The following NSD1 variants were observed in gnomAD, a reference collection of about 807,000 sequenced individuals.
The protein encoded by NSD1 is nuclear receptor binding SET domain protein 1, also known as histone-lysine N-methyltransferase, H3 lysine-36 specific.
NSD1 carries 26 observed loss-of-function variants against 242.7 expected under a neutral mutation model. The ratio of observed to expected loss-of-function variants is 0.11; its 90% CI spans 0.08 to 0.15. The LOEUF is 0.15. Among genes scored for constraint, NSD1 ranks in the 10% least tolerant of loss-of-function variants. The pLI is 1.00. For missense variants in NSD1, 2,495 were observed against 3,272.8 expected, an observed-to-expected ratio of 0.76 and a Z score of 5.80; for synonymous variants, 1,106 against 1,178.1, an observed-to-expected ratio of 0.94 and a Z score of 1.25.
chr5:177,135,506 T>TC lies in NSD1; in HGVS notation c.407dup (p.Glu137Ter), dbSNP rs1444626160. 1 of 1,614,066 alleles carries TC rather than the reference T, an allele frequency of 6.2e-7. No individual in the cohort carries two copies. Among genetic ancestry groups the TC allele is most frequent in the African/African-American group, 1.3e-5 (1 of 74,918 alleles). ...GAAACAGGAACCCTCTTGTAATAACTCCCCTGAACTCCAGGTAAAAGTAAC... is the reference window on the plus strand; with the variant it reads ...GAAACAGGAACCCTCTTGTAATAACTCCCCCTGAACTCCAGGTAAAAGTAAC... On this transcript the variant is annotated frameshift_variant, in exon 2 of 23. Coordinates refer to ENST00000439151, the MANE Select transcript of NSD1 (RefSeq NM_022455.5). LOFTEE classifies it high-confidence loss of function.
intron 12 of NSD1, among the ~76,000 whole-genome samples, chr5:177,253,886 T>C (rs1225743050): frequency 6.6e-6 from 1 of 152,216 alleles, no homozygotes; most frequent in African/African-American, 2.4e-5. Context: ...GTCCTCCTCG[T>C]TCAGCCTCTG....
rs2149849027 is a variant in NSD1 at position 177,212,014 on chromosome 5, G to A, written c.3615G>A (p.Glu1205=). The A allele has an allele frequency of 6.2e-7, 1 of 1,614,066 alleles. No individual in the cohort carries two copies. Among genetic ancestry groups the A allele is most frequent in the Non-Finnish European group, 8.5e-7 (1 of 1,179,998 alleles). Residue 1205 remains glutamate, a synonymous_variant, in exon 5 of 23, where the codon GAG becomes GAA. Coordinates refer to ENST00000439151, the MANE Select transcript of NSD1 (RefSeq NM_022455.5). ...AGGAGGGGCGGGATGAGTTTCCAGA[G>A]CATAGAACTCCTTCAGCAAGCATAC... is the stretch of plus-strand genomic sequence containing the variant. The part of the protein sequence containing the change: ...PVQEGRDEFP[E]HRTPSASILE...
chr5:177,299,076 T>C lies in NSD1; in HGVS notation c.*3617T>C, dbSNP rs975358920. Reference sequence around the variant, plus strand: ...TGCTGTGGGAGCCTGTCATTGGCTATGGCCAGTTAGTTCTCAGCTGAGCTT... The same window carrying C: ...TGCTGTGGGAGCCTGTCATTGGCTACGGCCAGTTAGTTCTCAGCTGAGCTT... On this transcript the variant is annotated 3_prime_UTR_variant, in exon 23 of 23. Transcript: ENST00000439151. 22 of 233,080 alleles carry C rather than the reference T, an allele frequency of 9.4e-5. No individual in the cohort carries two copies. The highest frequency in any genetic ancestry group is 4.6e-4 in the African/African-American group (21 of 45,344). The allele number at this position is 233,080 out of a possible 1,614,324, so 14.4% of individuals were successfully genotyped here. A position where few individuals can be genotyped will look rare whatever the true frequency, so the allele number is the denominator to read the frequency against.
intron 8 of NSD1, among the ~76,000 whole-genome samples, chr5:177,240,541 C>T (rs948622138): frequency 4.6e-5 from 7 of 151,884 alleles, no homozygotes; most frequent in Non-Finnish European, 5.9e-5. Context: ...GAGAAACCCC[C>T]TCTCTACTAA....
chr5:177,183,372 A>G (rs975733388), intron 2 of NSD1, among the ~76,000 whole-genome samples: 2 of 152,182 alleles, frequency 1.3e-5, no homozygotes, highest in African/African-American at 4.8e-5. Flanking sequence ...AACCTGTAGT[A>G]TCTCCAAGGT....
Position 177,238,521 on chromosome 5 carries a change from G to C in NSD1, c.4192+14G>C, listed in dbSNP as rs375279924. Reference sequence around the variant, plus strand: ...TTAAAACGCCAGGTAAGGTGGGGTTGGGGTCTCAGTATTTGAGCAGATATG... The same window carrying C: ...TTAAAACGCCAGGTAAGGTGGGGTTCGGGTCTCAGTATTTGAGCAGATATG... On this transcript the variant is annotated intron_variant, in intron 7 of 22. Coordinates refer to ENST00000439151, the MANE Select transcript of NSD1 (RefSeq NM_022455.5). This position sits in a 1 kb window ranked among gnomAD's most constrained non-coding sequence, Gnocchi z 4.6. The C allele has an allele frequency of 6.2e-7, 1 of 1,610,708 alleles. No individual in the cohort carries two copies. The highest frequency in any genetic ancestry group is 1.3e-5 in the African/African-American group (1 of 74,878).
At chr5:177,273,846 C>T (rs1758136237) in intron 17 of NSD1, 62 bp downstream of exon 17, 7 of 1,073,816 alleles carry the variant, frequency 6.5e-6, no homozygotes, top group African/African-American at 1.5e-5. Context: ...GCTCTTCCCA[C>T]TCTGTTCATG....
At chr5:177,161,514 G>A (rs1293878504) in intron 2 of NSD1, among the ~76,000 whole-genome samples, 1 of 151,910 alleles carries the variant, frequency 6.6e-6, no homozygotes, top group Admixed American at 6.6e-5. Flanking sequence ...AATAGAGATA[G>A]GGTCTTACTA....
At chr5:177,180,156 AC>A (rs973879140) in intron 2 of NSD1, among the ~76,000 whole-genome samples, 32 of 150,928 alleles carry the variant, frequency 2.1e-4, no homozygotes, top group Admixed American at 8.6e-4. Flanking sequence ...GTGCAGTGGC[AC>A]GATCTTGGCT....
Position 177,209,769 on chromosome 5 carries a change from T to C in NSD1, c.1370T>C (p.Phe457Ser). The stretch of plus-strand genomic sequence containing the variant: ...TTGGACAGTGAAGAAGATATGCCAT[T>C]TGAAGACTGCACAAATGATCCTGAG... ...IKLDSEEDMPFEDCTNDPESE... is the reference protein window; with the variant it reads ...IKLDSEEDMPSEDCTNDPESE... The change falls in exon 5 of 23, where the codon TTT becomes TCT. Residue 457 changes from phenylalanine (F) to serine (S), a missense_variant. Physicochemically the swap from Phe to Ser is radical, Grantham distance 155. This residue lies in a region of NSD1 where 515 missense variants were observed against 467.0 expected (regional missense o/e 1.10). Transcript: ENST00000439151. 1 of 1,614,156 alleles carries C rather than the reference T, an allele frequency of 6.2e-7. No homozygotes were observed. Among genetic ancestry groups the C allele is most frequent in the Non-Finnish European group, 8.5e-7 (1 of 1,180,034 alleles).
intron 3 of NSD1, among the ~76,000 whole-genome samples, chr5:177,200,061 CTT>C (rs1356388270): frequency 6.6e-6 from 1 of 151,920 alleles, no homozygotes; most frequent in African/African-American, 2.4e-5. Flanking sequence ...GGTTATTTGA[CTT>C]TTAAAAAATA....
In NSD1 at chr5:177,204,273, A is replaced by G; in HGVS notation, c.1217A>G (p.Glu406Gly). Residue 406 changes from glutamate to glycine, a missense_variant, in exon 4 of 23, where the codon GAA becomes GGA. Physicochemically the swap from Glu to Gly is moderately conservative, Grantham distance 98 (BLOSUM62 -2). Around this residue, in one of 19 missense-constraint regions of NSD1, gnomAD observed 65 missense variants for 136.2 expected, o/e 0.48. Transcript: ENST00000439151. ...CTTAGGAGAAGAGGGAAACAGAAAGAAAAAGGATATAGGCATAAGGTAGGA... is the reference window on the plus strand; with the variant it reads ...CTTAGGAGAAGAGGGAAACAGAAAGGAAAAGGATATAGGCATAAGGTAGGA... The part of the protein sequence containing the change: ...PVLRRRGKQK[E>G]KGYRHKVPQK... 1 of 1,613,792 alleles carries G rather than the reference A, an allele frequency of 6.2e-7. No individual in the cohort carries two copies. The highest frequency in any genetic ancestry group is 8.5e-7 in the Non-Finnish European group (1 of 1,179,752).
chr5:177,258,362 G>A (rs1412824179), intron 13 of NSD1, among the ~76,000 whole-genome samples: 2 of 151,816 alleles, frequency 1.3e-5, no homozygotes, highest in Non-Finnish European at 2.9e-5. Context: ...GTGTTGATTT[G>A]TTTTTTGTTT....
intron 14 of NSD1, chr5:177,265,558 G>A (rs1757361206): frequency 9.8e-7 from 1 of 1,024,824 alleles, no homozygotes; most frequent in Non-Finnish European, 1.5e-6. Context: ...TGCAGGGCGG[G>A]AGAGCCGGGC....
In NSD1 at chr5:177,211,580, A is replaced by T. The variant is rs781336574; in HGVS notation, c.3181A>T (p.Ser1061Cys). The T allele has an allele frequency of 3.1e-6, 5 of 1,614,020 alleles. No homozygotes were observed. The African/African-American group carries it at 6.7e-5, about 22-fold the overall frequency. ...ERKRKLNQLP[S>C]VTLDAVLQGD... Reference sequence around the variant, plus strand: ...CAAAAGAAAACTGAATCAGCTTCCAAGTGTGACTCTTGATGCTGTACTGCA... The same window carrying T: ...CAAAAGAAAACTGAATCAGCTTCCATGTGTGACTCTTGATGCTGTACTGCA... Residue 1061 changes from serine to cysteine, a missense_variant, in exon 5 of 23, where the codon AGT becomes TGT. Coordinates refer to ENST00000439151, the MANE Select transcript of NSD1 (RefSeq NM_022455.5).
rs1011805872 is a variant in NSD1, at chr5:177,284,007, A to T, written c.6151+79A>T. 1.4e-5 allele frequency: 21 copies of T among 1,530,414 alleles called. No individual in the cohort carries two copies. In the African/African-American group the frequency reaches 2.9e-4, roughly 21 times the overall value. 94.8% of individuals were successfully genotyped at this position (1,530,414 alleles called of 1,614,324 possible). ...TTTTTACAAACAGCTTCCTCAGATT[A>T]TAATTTTAAACATTTCTATATGTAC... On this transcript the variant is annotated intron_variant, in intron 20 of 22. Transcript: ENST00000439151.
Position 177,135,867 on chromosome 5 carries a change from C to A in NSD1, c.764C>A (p.Pro255Gln). 6.2e-7 allele frequency: 1 copy of A among 1,606,888 alleles called. No homozygotes were observed. Among genetic ancestry groups the A allele is most frequent in the Non-Finnish European group, 8.5e-7 (1 of 1,174,584 alleles). ...DGSNEKAALLPAPFSLGDTNI... is the reference protein window; with the variant it reads ...DGSNEKAALLQAPFSLGDTNI... ...AGCAATGAAAAAGCAGCCCTTCTCC[C>A]AGCCCCCTTTTCACTAGGAGACACA... Residue 255 changes from proline (P) to glutamine (Q), a missense_variant, in exon 2 of 23, where the codon CCA becomes CAA. This residue lies in a region of NSD1 where 376 missense variants were observed against 367.4 expected (regional missense o/e 1.02). Transcript: ENST00000439151.
intron 2 of NSD1, among the ~76,000 whole-genome samples, chr5:177,174,085 G>T (rs1163572628): frequency 1.3e-5 from 2 of 152,008 alleles, no homozygotes; most frequent in Non-Finnish European, 2.9e-5. Flanking sequence ...AGGTTAAAAA[G>T]GCCGGGCGCG....
In NSD1 at chr5:177,212,052, T is replaced by A. The variant is rs534623200; in HGVS notation, c.3653T>A (p.Leu1218Gln). ...TCAGCAAGCATACTTGAGGAACCAC[T>A]GACAGAGCAAAATCATGCTGACTGC... The part of the protein sequence containing the change: ...TPSASILEEP[L>Q]TEQNHADCLD... The change falls in exon 5 of 23, where the codon CTG becomes CAG. Residue 1218 changes from leucine (L) to glutamine (Q), a missense_variant. By Grantham distance (113) the Leu-to-Gln change is moderately radical. Around this residue, in one of 19 missense-constraint regions of NSD1, gnomAD observed 426 missense variants for 411.4 expected, o/e 1.04. Transcript: ENST00000439151. 1.1e-5 allele frequency: 17 copies of A among 1,614,110 alleles called. No homozygotes were observed. In the South Asian group the frequency reaches 1.9e-4, roughly 18 times the overall value.
Sources: allele counts gnomAD v4.1 joint callset (sites outside exome capture counted in the v4.1 genomes callset), GRCh38; gene constraint gnomAD v4.1.1; regional missense constraint gnomAD v4.1.1; non-coding constraint Gnocchi (gnomAD v3.1); transcripts MANE v1.5; gene names NCBI Gene and HGNC (gene_info 2026-07-23, HGNC 2026-07-21).